Variants in RAB19 observed in about 807,000 individuals in gnomAD.
RAB19 encodes ras-related protein Rab-19.
In RAB19, 21 loss-of-function variants were observed where a neutral mutation model predicts 17.3. The observed-to-expected ratio is 1.21, with a 90% CI of 0.86 to 1.74. The LOEUF (loss-of-function observed/expected upper bound fraction) is 1.74, where lower values mean the gene tolerates loss of function less well. Among genes scored for constraint, RAB19 ranks in the 40% most tolerant of loss-of-function variants. The pLI is 0.00. For synonymous variants in RAB19, 126 were observed against 110.4 expected, an observed-to-expected ratio of 1.14 and a Z score of -0.88; for missense variants, 277 against 286.8, an observed-to-expected ratio of 0.97 and a Z score of 0.25.
intron 3 of RAB19, among the ~76,000 whole-genome samples, chr7:140,413,753 G>A (rs976423996): frequency 1.3e-5 from 2 of 152,066 alleles, no homozygotes; most frequent in South Asian, 2.1e-4. Context: ...TCCTAGTAGA[G>A]CAAAGATGGG....
At position 140,427,911 on chromosome 7, in the gene RAB19, A is replaced by G. The variant is rs1799697115; in HGVS notation, c.*1761A>G. On this transcript the variant is annotated 3_prime_UTR_variant, in exon 4 of 4. Transcript: ENST00000537763. ...GGCACAATTTCTTTCTAGAACCCAA[A>G]TCATCTGCCAGATCAGAAGTCATTT... Among the ~76,000 whole-genome samples, 1 of 152,072 alleles carries G rather than the reference A, an allele frequency of 6.6e-6. No individual in the cohort carries two copies. Among genetic ancestry groups the G allele is most frequent in the African/African-American group, 2.4e-5 (1 of 41,398 alleles).
intron 3 of RAB19, among the ~76,000 whole-genome samples, chr7:140,415,066 CT>C (rs1489702932): frequency 6.7e-6 from 1 of 149,020 alleles, no homozygotes; most frequent in African/African-American, 2.5e-5. Flanking sequence ...CTTTTTTTTT[CT>C]TTTCTTTTCT....
intron 1 of RAB19, among the ~76,000 whole-genome samples, chr7:140,405,359 T>C (rs1286652016): frequency 1.3e-5 from 2 of 152,114 alleles, no homozygotes. Context: ...TAGCTGGGAT[T>C]ACAGGTGCAT....
chr7:140,424,292 G>A (rs947706170), intron 3 of RAB19, among the ~76,000 whole-genome samples: 1 of 151,604 alleles, frequency 6.6e-6, no homozygotes, highest in African/African-American at 2.4e-5. Context: ...CAAGTAGCTG[G>A]GACTACAGGC....
At chr7:140,412,493 G>A (rs1799385397) in intron 3 of RAB19, among the ~76,000 whole-genome samples, 2 of 151,688 alleles carry the variant, frequency 1.3e-5, no homozygotes, top group Admixed American at 6.6e-5. Flanking sequence ...GCCTCAGAAA[G>A]TGCCTTTAAG....
At chr7:140,424,981 T>C (rs1799637603) in intron 3 of RAB19, among the ~76,000 whole-genome samples, 3 of 152,074 alleles carry the variant, frequency 2.0e-5, no homozygotes, top group African/African-American at 4.8e-5. Flanking sequence ...ATGTAAATTA[T>C]AGCTTTCTCA....
rs1799682782 is a variant in RAB19 at position 140,426,898 on chromosome 7, GTGGTGGGATCT to G, written c.*752_*762del. On this transcript the variant is annotated 3_prime_UTR_variant, in exon 4 of 4. Transcript: ENST00000537763. ...ACTCTGTCACCCAAGCTGGAGTATA[GTGGTGGGATCT>G]TGGCTCACTGCAACCTCTACCTCCT... Among the ~76,000 whole-genome samples the G allele has an allele frequency of 1.4e-5, 2 of 141,942 alleles. No homozygotes were observed. Among genetic ancestry groups the G allele is most frequent in the African/African-American group, 5.4e-5 (2 of 37,070 alleles). 93.1% of individuals were successfully genotyped at this position (141,942 alleles called of 152,430 possible). A position where few individuals can be genotyped will look rare whatever the true frequency, so the allele number is the denominator to read the frequency against.
intron 3 of RAB19, among the ~76,000 whole-genome samples, chr7:140,424,641 G>A (rs1259546924): frequency 3.3e-4 from 43 of 130,102 alleles, no homozygotes; most frequent in Non-Finnish European, 4.9e-4. Context: ...ATATATATAT[G>A]TGTGTGTGTA....
At chr7:140,411,044 A>G (rs751187409) in intron 2 of RAB19, 8 of 1,367,682 alleles carry the variant, frequency 5.8e-6, no homozygotes, top group African/African-American at 1.5e-5. Flanking sequence ...TGAGCCCCCA[A>G]ATCTGGACCA....
At chr7:140,410,923 T>C (rs1054115741) in intron 2 of RAB19, 1 of 1,367,684 alleles carries the variant, frequency 7.3e-7, no homozygotes, top group Non-Finnish European at 9.8e-7. Flanking sequence ...GGAGGTATTA[T>C]TGTGAGAACA....
At chr7:140,419,181 T>C (rs911164077) in intron 3 of RAB19, among the ~76,000 whole-genome samples, 2 of 151,584 alleles carry the variant, frequency 1.3e-5, no homozygotes, top group Non-Finnish European at 2.9e-5. Flanking sequence ...GTGATTCTCA[T>C]GCCTCAGCCT....
At chr7:140,418,438 A>T (rs916885169) in intron 3 of RAB19, among the ~76,000 whole-genome samples, 1 of 149,310 alleles carries the variant, frequency 6.7e-6, no homozygotes, top group Admixed American at 6.7e-5. Flanking sequence ...CGGGCGTGGC[A>T]GTATGCACCT....
At chr7:140,419,557 A>G (rs1398588260) in intron 3 of RAB19, among the ~76,000 whole-genome samples, 4 of 152,150 alleles carry the variant, frequency 2.6e-5, no homozygotes, top group Non-Finnish European at 5.9e-5. Flanking sequence ...TCTCTTGGCA[A>G]TGGACATTTG....
At position 140,426,217 on chromosome 7, in the gene RAB19, C is replaced by A; in HGVS notation, c.*67C>A. ...CTGAAACCAAAGGTAGCCAGGATACCGTAGTGTTGCCCCAGTGGCGCTTTA... is the reference window on the plus strand; with the variant it reads ...CTGAAACCAAAGGTAGCCAGGATACAGTAGTGTTGCCCCAGTGGCGCTTTA... On this transcript the variant is annotated 3_prime_UTR_variant, in exon 4 of 4. Transcript: ENST00000537763. The A allele has an allele frequency of 1.9e-6, 3 of 1,553,564 alleles. No homozygotes were observed. The highest frequency in any genetic ancestry group is 4.5e-5 in the East Asian group (2 of 44,096).
intron 2 of RAB19, among the ~76,000 whole-genome samples, chr7:140,408,635 C>T (rs1563069062): frequency 6.6e-6 from 1 of 152,012 alleles, no homozygotes; most frequent in Non-Finnish European, 1.5e-5. Flanking sequence ...ACCACCACAC[C>T]GGGCTAAGTT....
intron 2 of RAB19, among the ~76,000 whole-genome samples, chr7:140,409,928 G>T (rs1455853061): frequency 6.9e-6 from 1 of 144,558 alleles, no homozygotes; most frequent in Admixed American, 7.2e-5. Context: ...GGGAGGCGGA[G>T]CTTGCACTGA....
Position 140,425,999 on chromosome 7 carries a change from T to A in RAB19, c.503T>A (p.Ile168Lys). The change falls in exon 4 of 4, where the codon ATA becomes AAA. Residue 168 changes from isoleucine to lysine, a missense_variant. Coordinates refer to ENST00000537763, the MANE Select transcript of RAB19 (RefSeq NM_001008749.3). ...LETSAKESKN[I>K]EEVFVLMAKE... Reference sequence around the variant, plus strand: ...ACATCTGCCAAGGAGTCAAAGAACATAGAAGAAGTCTTCGTGCTCATGGCC... The same window carrying A: ...ACATCTGCCAAGGAGTCAAAGAACAAAGAAGAAGTCTTCGTGCTCATGGCC... 6.2e-7 allele frequency: 1 copy of A among 1,614,138 alleles called. No individual in the cohort carries two copies. The highest frequency in any genetic ancestry group is 8.5e-7 in the Non-Finnish European group (1 of 1,180,030).
chr7:140,420,755 G>A (rs1485507734), intron 3 of RAB19, among the ~76,000 whole-genome samples: 2 of 152,134 alleles, frequency 1.3e-5, no homozygotes, highest in African/African-American at 2.4e-5. Context: ...CTGGGCACTA[G>A]GTTCTCTTGA....
chr7:140,408,931 T>C (rs563873030), intron 2 of RAB19, among the ~76,000 whole-genome samples: 13 of 152,248 alleles, frequency 8.5e-5, no homozygotes, highest in Admixed American at 8.5e-4. Context: ...ACTCCTTTTT[T>C]AAATTTGTTG....
Sources: gnomAD v4.1 joint callset for allele counts (sites outside exome capture counted in the v4.1 genomes callset) on GRCh38, gnomAD v4.1.1 for gene constraint, MANE v1.5 for transcripts, NCBI Gene and HGNC (gene_info 2026-07-23, HGNC 2026-07-21) for gene names.